RANBP2: variants seen among roughly 807,000 people sequenced by gnomAD.
RANBP2 encodes the protein RAN binding protein 2, also known as E3 SUMO-protein ligase RanBP2.
In RANBP2, 57 loss-of-function variants were observed where a neutral mutation model predicts 303.6. The ratio of observed to expected loss-of-function variants is 0.19; its 90% CI spans 0.15 to 0.23. RANBP2 has a LOEUF of 0.23. Ranked by LOEUF, RANBP2 falls within the 10% of genes least tolerant of loss-of-function variation. The probability of loss-of-function intolerance (pLI) is 1.00; values close to 1 mark genes in which losing one functional copy is unlikely to be tolerated. For missense variants in RANBP2, 3,138 were observed against 3,780.8 expected (o/e 0.83, Z 4.46); for synonymous variants, 1,167 against 1,301.5 (o/e 0.90, Z 2.23).
At chr2:108,788,914 A>G (rs1431154421), downstream of RANBP2, 10 of 1,614,060 alleles carry the variant, frequency 6.2e-6, no homozygotes, top group African/African-American at 1.2e-4. Flanking sequence ...TGATGAAAGC[A>G]AGCATTGTAG....
the RANBP2 span, among the ~76,000 whole-genome samples, chr2:109,328,593 T>C: frequency 1.3e-5 from 2 of 152,226 alleles, no homozygotes; most frequent in African/African-American, 4.8e-5. Flanking sequence ...ATCTTTGTAC[T>C]TTCTAATCTA....
chr2:109,543,219 T>A, the RANBP2 span: 1 of 152,614 alleles, frequency 6.6e-6, no homozygotes, highest in Non-Finnish European at 1.5e-5. Flanking sequence ...AAAGTATTTT[T>A]AATAAAATGA....
At chr2:109,662,620 A>G in the RANBP2 span, among the ~76,000 whole-genome samples, 1 of 152,170 alleles carries the variant, frequency 6.6e-6, no homozygotes, top group East Asian at 1.9e-4. Context: ...CATGTTGGCT[A>G]TGCTGGTCTT....
chr2:108,767,417 C>T lies in RANBP2; in HGVS notation c.6878C>T (p.Thr2293Ile), dbSNP rs1163295996. Residue 2293 changes from threonine to isoleucine, a missense_variant, in exon 20 of 29, where the codon ACT becomes ATT. Physicochemically the swap from Thr to Ile is moderately conservative, Grantham distance 89. Around this residue, in one of 20 missense-constraint regions of RANBP2, gnomAD observed 72 missense variants for 86.8 expected, o/e 0.83. Coordinates refer to ENST00000283195, the MANE Select transcript of RANBP2 (RefSeq NM_006267.5). ...KLNQSGTSVGTDEESDVTQEE... is the reference protein window; with the variant it reads ...KLNQSGTSVGIDEESDVTQEE... ...AATCAGAGTGGGACTTCAGTTGGCA[C>T]TGATGAAGAATCTGATGTTACTCAA... The T allele has an allele frequency of 1.2e-6, 2 of 1,611,922 alleles. No homozygotes were observed. The highest frequency in any genetic ancestry group is 1.7e-5 in the Admixed American group (1 of 60,018).
At chr2:108,849,561 C>G in the RANBP2 span, among the ~76,000 whole-genome samples, 4 of 152,166 alleles carry the variant, frequency 2.6e-5, no homozygotes, top group Non-Finnish European at 5.9e-5. Context: ...TGCCTTCACT[C>G]TCTAGTCTCC....
At chr2:109,193,339 T>G in the RANBP2 span, among the ~76,000 whole-genome samples, 1 of 152,192 alleles carries the variant, frequency 6.6e-6, no homozygotes, top group Non-Finnish European at 1.5e-5. Context: ...AAGTGTACAA[T>G]TCAGTGGTTT....
chr2:109,565,832 T>C, the RANBP2 span: 4 of 1,614,060 alleles, frequency 2.5e-6, no homozygotes, highest in Admixed American at 3.3e-5. Flanking sequence ...TCATCCATAC[T>C]TCCCACAACA....
At chr2:108,959,052 A>C in the RANBP2 span, among the ~76,000 whole-genome samples, 1 of 152,226 alleles carries the variant, frequency 6.6e-6, no homozygotes, top group Non-Finnish European at 1.5e-5. Context: ...AATCATGCTT[A>C]GAAAGTGGGT....
the RANBP2 span, among the ~76,000 whole-genome samples, chr2:109,315,547 A>G: frequency 6.6e-6 from 1 of 152,222 alleles, no homozygotes; most frequent in Non-Finnish European, 1.5e-5. Context: ...TGGTGTAAGC[A>G]AAGGGGACCA....
At chr2:108,831,630 A>G in the RANBP2 span, among the ~76,000 whole-genome samples, 4 of 152,128 alleles carry the variant, frequency 2.6e-5, no homozygotes, top group East Asian at 5.8e-4. Flanking sequence ...CTCTTGCAGG[A>G]CTTGTTAAAA....
the RANBP2 span, among the ~76,000 whole-genome samples, chr2:109,268,609 T>C: frequency 2.8e-4 from 43 of 152,342 alleles, no homozygotes; most frequent in African/African-American, 9.6e-4. Context: ...ACTGAACAAT[T>C]TTTAACTTCA....
At chr2:108,944,828 C>T in the RANBP2 span, among the ~76,000 whole-genome samples, 1 of 152,132 alleles carries the variant, frequency 6.6e-6, no homozygotes, top group Non-Finnish European at 1.5e-5. Context: ...ACCGCAGAGG[C>T]CAAGCTTCTA....
At chr2:109,668,610 TG>T in the RANBP2 span, among the ~76,000 whole-genome samples, 5 of 152,330 alleles carry the variant, frequency 3.3e-5, no homozygotes, top group South Asian at 1.0e-3. Flanking sequence ...GGAATGGATG[TG>T]TCACATTCTA....
the RANBP2 span, among the ~76,000 whole-genome samples, chr2:109,135,710 C>T: frequency 6.6e-6 from 1 of 152,074 alleles, no homozygotes. Flanking sequence ...CATGCTTTGC[C>T]TCTAGATTCA....
chr2:108,978,605 T>C, the RANBP2 span, among the ~76,000 whole-genome samples: 1 of 152,192 alleles, frequency 6.6e-6, no homozygotes, highest in African/African-American at 2.4e-5. Flanking sequence ...TGATTTTTAA[T>C]AAATAATTCA....
At chr2:109,655,769 G>A in the RANBP2 span, among the ~76,000 whole-genome samples, 6 of 152,138 alleles carry the variant, frequency 3.9e-5, no homozygotes, top group Admixed American at 1.3e-4. Context: ...AAAAGAACAC[G>A]TCTCCTATAT....
the RANBP2 span, among the ~76,000 whole-genome samples, chr2:109,465,079 C>G: frequency 6.6e-6 from 1 of 152,196 alleles, no homozygotes; most frequent in Non-Finnish European, 1.5e-5. Context: ...AATGTTGTAG[C>G]CTTTTTGCAT....
chr2:109,710,589 G>C, the RANBP2 span, among the ~76,000 whole-genome samples: 2 of 152,202 alleles, frequency 1.3e-5, no homozygotes, highest in Non-Finnish European at 2.9e-5. Flanking sequence ...GACACCAGAA[G>C]CAGTGGCCAT....
At chr2:109,268,580 C>A in the RANBP2 span, among the ~76,000 whole-genome samples, 1 of 152,204 alleles carries the variant, frequency 6.6e-6, no homozygotes, top group Non-Finnish European at 1.5e-5. Flanking sequence ...CTGGGCCTCG[C>A]TCCAGGGAGA....
Sources: allele counts gnomAD v4.1 joint callset (sites outside exome capture counted in the v4.1 genomes callset), GRCh38; gene constraint gnomAD v4.1.1; regional missense constraint gnomAD v4.1.1; transcripts MANE v1.5; gene names NCBI Gene and HGNC (gene_info 2026-07-23, HGNC 2026-07-21).